ADGRA2: variants seen among roughly 807,000 people sequenced by gnomAD.
ADGRA2 encodes the protein adhesion G protein-coupled receptor A2.
ADGRA2 carries 61 observed loss-of-function variants against 98.7 expected under a neutral mutation model. The observed-to-expected ratio is 0.62, with a 90% CI of 0.50 to 0.76. The LOEUF is 0.76. Ranked by LOEUF, ADGRA2 falls within the 30% of genes least tolerant of loss-of-function variation. ADGRA2 has a pLI of 0.00. For missense variants in ADGRA2, 1,712 were observed against 1,860.0 expected, an observed-to-expected ratio of 0.92 and a Z score of 1.46; for synonymous variants, 858 against 831.5, an observed-to-expected ratio of 1.03 and a Z score of -0.55.
chr8:37,828,775 C>G, intron 2 of ADGRA2, 113 bp from the exon 3 acceptor site: 1 of 786,352 alleles, frequency 1.3e-6, no homozygotes, highest in Non-Finnish European at 2.0e-6. Flanking sequence ...AGCAGGAAGT[C>G]AAGTCCCTGA....
intron 2 of ADGRA2, among the ~76,000 whole-genome samples, chr8:37,827,166 GC>G (rs1379578783): frequency 6.6e-6 from 1 of 152,248 alleles, no homozygotes; most frequent in African/African-American, 2.4e-5. Context: ...GGAGCCTGAA[GC>G]CTGTCCTGGT....
Position 37,842,587 on chromosome 8 carries a change from T to G in ADGRA2, c.*232T>G. ...TCCGTCCAGCCCGGGGCAGTCTGAC[T>G]GTCGGTGCCCTCCCAGGAACGGGGA... On this transcript the variant is annotated 3_prime_UTR_variant, in exon 19 of 19. Transcript: ENST00000412232. 1 of 639,762 alleles carries G rather than the reference T, an allele frequency of 1.6e-6. No homozygotes were observed. The highest frequency in any genetic ancestry group is 3.6e-5 in the East Asian group (1 of 28,042). 39.6% of individuals were successfully genotyped at this position (639,762 alleles called of 1,614,324 possible).
rs776855041 is a variant in ADGRA2 at position 37,835,416 on chromosome 8, G to T, written c.1833+18G>T. 1 of 1,593,306 alleles carries T rather than the reference G, an allele frequency of 6.3e-7. No homozygotes were observed. Among genetic ancestry groups the T allele is most frequent in the South Asian group, 1.1e-5 (1 of 90,520 alleles). Reference sequence around the variant, plus strand: ...ACATCAAGGTGGGCGCTGGGGGAGGGAGAGGGGGTGGGAGAAGGGAGGCAC... The same window carrying T: ...ACATCAAGGTGGGCGCTGGGGGAGGTAGAGGGGGTGGGAGAAGGGAGGCAC... On this transcript the variant is annotated intron_variant, in intron 12 of 18. Transcript: ENST00000412232.
chr8:37,840,732 G>A, intron 17 of ADGRA2, 28 bp from the exon 18 acceptor site: 1 of 1,236,180 alleles, frequency 8.1e-7, no homozygotes. Context: ...CCCCATCTCT[G>A]GGACCCCCAA....
At chr8:37,815,673 C>A (rs1468269448) in intron 2 of ADGRA2, among the ~76,000 whole-genome samples, 1 of 152,232 alleles carries the variant, frequency 6.6e-6, no homozygotes, top group Non-Finnish European at 1.5e-5. Context: ...GCCCTCTCCT[C>A]ATGGGGAGAG....
rs775149093 is a variant in ADGRA2, at chr8:37,831,538, G to A, written c.1048G>A (p.Ala350Thr). ...GGAGATCGTGGTGCTGGAGACCTCT[G>A]CCTCCTACTGCCCCGCCGAGCGTGT... ...KVEIVVLETS[A>T]SYCPAERVAN... The change falls in exon 8 of 19, where the codon GCC (alanine) becomes ACC (threonine). Residue 350 changes from alanine to threonine, a missense_variant. Physicochemically the swap from Ala to Thr is moderately conservative, Grantham distance 58. Coordinates refer to ENST00000412232, the MANE Select transcript of ADGRA2 (RefSeq NM_032777.10). 5 of 1,613,538 alleles carry A rather than the reference G, an allele frequency of 3.1e-6. No individual in the cohort carries two copies. Among genetic ancestry groups the A allele is most frequent in the South Asian group, 1.1e-5 (1 of 91,068 alleles).
At chr8:37,799,977 C>G (rs1240886668) in intron 1 of ADGRA2, among the ~76,000 whole-genome samples, 2 of 152,178 alleles carry the variant, frequency 1.3e-5, no homozygotes, top group East Asian at 3.9e-4. Context: ...TCTCCTTCAG[C>G]AGAAGCTGGG....
In ADGRA2 at chr8:37,840,856, A is replaced by AGCGCC; in HGVS notation, c.2747+7_2747+8insGCGCC. On this transcript the variant is annotated splice_region_variant and intron_variant, in intron 18 of 18. Transcript: ENST00000412232. Reference sequence around the variant, plus strand: ...ACCGGGACCACAGCCCCTAGTGAGCACCCCTCCCTCCCGCCCCAAGCCTAC... The same window carrying AGCGCC: ...ACCGGGACCACAGCCCCTAGTGAGCAGCGCCCCCCTCCCTCCCGCCCCAAGCCTAC... The AGCGCC allele has an allele frequency of 6.7e-7, 1 of 1,483,352 alleles. No individual in the cohort carries two copies. Among genetic ancestry groups the AGCGCC allele is most frequent in the Non-Finnish European group, 9.4e-7 (1 of 1,067,528 alleles). The allele number at this position is 1,483,352 out of a possible 1,614,324, so 91.9% of individuals were successfully genotyped here. A position where few individuals can be genotyped will look rare whatever the true frequency, so the allele number is the denominator to read the frequency against.
At chr8:37,835,487 G>C in intron 12 of ADGRA2, 67 bp from the exon 13 acceptor site, 1 of 1,499,064 alleles carries the variant, frequency 6.7e-7, no homozygotes, top group East Asian at 2.3e-5. Context: ...GGTGGGAGGA[G>C]GGGGCTGCAA....
Position 37,844,321 on chromosome 8 carries a change from C to G in ADGRA2, c.*1966C>G, listed in dbSNP as rs766235754. The G allele has an allele frequency of 1.3e-6, 1 of 776,694 alleles. No homozygotes were observed. The highest frequency in any genetic ancestry group is 2.1e-6 in the Non-Finnish European group (1 of 480,898). The allele number at this position is 776,694 out of a possible 1,614,324, so 48.1% of individuals were successfully genotyped here. A position where few individuals can be genotyped will look rare whatever the true frequency, so the allele number is the denominator to read the frequency against. On this transcript the variant is annotated 3_prime_UTR_variant, in exon 19 of 19. Coordinates refer to ENST00000412232, the MANE Select transcript of ADGRA2 (RefSeq NM_032777.10). Reference sequence around the variant, plus strand: ...TCTCCTACCTATAGTCATCCCTGCACTCCTGACTTTACTCCAGGACCCAGG... The same window carrying G: ...TCTCCTACCTATAGTCATCCCTGCAGTCCTGACTTTACTCCAGGACCCAGG...
chr8:37,844,254 G>T lies in ADGRA2; in HGVS notation c.*1899G>T. The stretch of plus-strand genomic sequence containing the variant: ...TGAGGAAAGCCATCTCACAGAACAT[G>T]GACATAGGCAACTTGCTCTCCCACA... On this transcript the variant is annotated 3_prime_UTR_variant, in exon 19 of 19. Coordinates refer to ENST00000412232, the MANE Select transcript of ADGRA2 (RefSeq NM_032777.10). The T allele has an allele frequency of 1.8e-6, 1 of 549,766 alleles. No homozygotes were observed. The highest frequency in any genetic ancestry group is 3.3e-6 in the Non-Finnish European group (1 of 305,990). 34.1% of individuals were successfully genotyped at this position (549,766 alleles called of 1,614,324 possible).
At position 37,840,868 on chromosome 8, in the gene ADGRA2, CGCCCCAA is replaced by C; in HGVS notation, c.2747+23_2747+29del. 7 of 1,369,726 alleles carry C rather than the reference CGCCCCAA, an allele frequency of 5.1e-6. No individual in the cohort carries two copies. The highest frequency in any genetic ancestry group is 7.3e-6 in the Non-Finnish European group (7 of 963,552). 84.8% of individuals were successfully genotyped at this position (1,369,726 alleles called of 1,614,324 possible). ...GCCCCTAGTGAGCACCCCTCCCTCC[CGCCCCAA>C]GCCTACCTACCTAACACCAGATGCC... On this transcript the variant is annotated intron_variant, in intron 18 of 18. Coordinates refer to ENST00000412232, the MANE Select transcript of ADGRA2 (RefSeq NM_032777.10).
chr8:37,806,321 G>A (rs535589311), intron 1 of ADGRA2, among the ~76,000 whole-genome samples: 24 of 152,112 alleles, frequency 1.6e-4, no homozygotes, highest in Admixed American at 1.4e-3. Context: ...ATGAATGAAT[G>A]AATACCTAAC....
chr8:37,825,398 C>A (rs910824844), intron 2 of ADGRA2, among the ~76,000 whole-genome samples: 2 of 151,930 alleles, frequency 1.3e-5, no homozygotes, highest in African/African-American at 2.4e-5. Context: ...CGCCCACCCC[C>A]ACATTGGCTA....
chr8:37,840,614 A>C (rs981566447), intron 17 of ADGRA2, 146 bp from the exon 18 acceptor site: 4 of 657,666 alleles, frequency 6.1e-6, no homozygotes, highest in Non-Finnish European at 1.1e-5. Context: ...TAGTCCCTGC[A>C]GGGACCTTGC....
rs1412006232 is a variant in ADGRA2 at position 37,826,660 on chromosome 8, G to A, written c.339-2228G>A. Among the ~76,000 whole-genome samples, 5 of 152,286 alleles carry A rather than the reference G, an allele frequency of 3.3e-5. No homozygotes were observed. The South Asian group carries it at 8.3e-4, about 25-fold the overall frequency. On this transcript the variant is annotated intron_variant, in intron 2 of 18. Coordinates refer to ENST00000412232, the MANE Select transcript of ADGRA2 (RefSeq NM_032777.10). ...GTGCACAGTGTTTCTGTCCCCAAGC[G>A]GGACTGTGCACAAACAGGCCCCCTG...
Position 37,802,656 on chromosome 8 carries a change from C to T in ADGRA2, c.266+5122C>T, listed in dbSNP as rs991733324. 6.6e-6 allele frequency among the ~76,000 whole-genome samples: 1 copy of T among 152,172 alleles called. No individual in the cohort carries two copies. The highest frequency in any genetic ancestry group is 6.5e-5 in the Admixed American group (1 of 15,286). ...TCAGTCTCTCCTGGACTCTTCCCCA[C>T]CACCCACTGGAGAAGCTGGAGGTCG... On this transcript the variant is annotated intron_variant, in intron 1 of 18. Coordinates refer to ENST00000412232, the MANE Select transcript of ADGRA2 (RefSeq NM_032777.10). The surrounding 1 kb of genome is among the most constrained non-coding windows in gnomAD (Gnocchi z 4.7).
chr8:37,809,526 A>G (rs1804767624), intron 1 of ADGRA2, among the ~76,000 whole-genome samples: 1 of 152,186 alleles, frequency 6.6e-6, no homozygotes, highest in African/African-American at 2.4e-5. Context: ...CTCGAATCAC[A>G]CAGCAATCTG....
intron 2 of ADGRA2, among the ~76,000 whole-genome samples, chr8:37,828,273 C>T (rs910983420): frequency 6.6e-6 from 1 of 152,170 alleles, no homozygotes; most frequent in African/African-American, 2.4e-5. Context: ...AAATGCTTCC[C>T]AGGGCAACCC....
Sources: gnomAD v4.1 joint callset for allele counts (sites outside exome capture counted in the v4.1 genomes callset) on GRCh38, gnomAD v4.1.1 for gene constraint, Gnocchi (gnomAD v3.1) non-coding constraint, MANE v1.5 for transcripts, NCBI Gene and HGNC (gene_info 2026-07-23, HGNC 2026-07-21) for gene names.